The following INPP4B variants were observed in gnomAD, a reference collection of about 807,000 sequenced individuals.
The protein encoded by INPP4B is inositol polyphosphate-4-phosphatase type II B.
In INPP4B, 55 loss-of-function variants were observed where a neutral mutation model predicts 122.5. The ratio of observed to expected loss-of-function variants is 0.45; its 90% CI spans 0.36 to 0.56. The LOEUF is 0.56. Ranked by LOEUF, INPP4B falls within the 20% of genes least tolerant of loss-of-function variation. The pLI is 0.00. For synonymous variants in INPP4B, 403 were observed against 388.7 expected (o/e 1.04, Z -0.43); for missense variants, 1,000 against 1,097.7 (o/e 0.91, Z 1.26).
chr4:142,262,242 G>A (rs1486311709), intron 10 of INPP4B, among the ~76,000 whole-genome samples: 1 of 152,046 alleles, frequency 6.6e-6, no homozygotes, highest in Non-Finnish European at 1.5e-5. Flanking sequence ...GCTTACAGGG[G>A]AGTACACGAT....
chr4:142,072,639 G>A (rs1199769786), intron 25 of INPP4B, among the ~76,000 whole-genome samples: 4 of 149,892 alleles, frequency 2.7e-5, no homozygotes, highest in African/African-American at 9.9e-5. Flanking sequence ...CCATGACAAA[G>A]AACCAATAAT....
intron 1 of INPP4B, among the ~76,000 whole-genome samples, chr4:142,749,284 C>T (rs1769276661): frequency 7.0e-6 from 1 of 143,662 alleles, no homozygotes. Flanking sequence ...AATGTCTTAC[C>T]ATATATATAT....
chr4:142,634,295 G>A (rs1383685839), intron 2 of INPP4B, among the ~76,000 whole-genome samples: 2 of 151,816 alleles, frequency 1.3e-5, no homozygotes, highest in Non-Finnish European at 2.9e-5. Flanking sequence ...TTGTTTCAGA[G>A]CACAGGAAAA....
chr4:142,544,346 C>T (rs529210052), intron 2 of INPP4B, among the ~76,000 whole-genome samples: 1 of 151,870 alleles, frequency 6.6e-6, no homozygotes, highest in African/African-American at 2.4e-5. Context: ...TGAGAGAAAG[C>T]TGTTCTAGAG....
At position 142,123,415 on chromosome 4, in the gene INPP4B, GC is replaced by G; in HGVS notation, c.1894-1del. 6.2e-7 allele frequency: 1 copy of G among 1,601,252 alleles called. No individual in the cohort carries two copies. The highest frequency in any genetic ancestry group is 8.5e-7 in the Non-Finnish European group (1 of 1,176,202). On this transcript the variant is annotated splice_acceptor_variant, in intron 19 of 25. Transcript: ENST00000262992. LOFTEE classifies it high-confidence loss of function. Reference sequence around the variant, plus strand: ...ATAAAACCACAAACCAATCCAGCAAGCTGAAAAAAAAATATTGATGAGATTT... The same window carrying G: ...ATAAAACCACAAACCAATCCAGCAAGTGAAAAAAAAATATTGATGAGATTT...
intron 2 of INPP4B, among the ~76,000 whole-genome samples, chr4:142,526,164 C>T (rs1365908853): frequency 6.6e-6 from 1 of 152,034 alleles, no homozygotes; most frequent in Non-Finnish European, 1.5e-5. Flanking sequence ...ACATGTGTAT[C>T]TAGTGACTTC....
rs148913775 is a variant in INPP4B, at chr4:142,637,948, G to T, written c.-191+87891C>A. Reference sequence around the variant, plus strand: ...TAATTTTGCAGTTCTCTAATGACATGATGTTGACCATCTTTTTATATGCTT... The same window carrying T: ...TAATTTTGCAGTTCTCTAATGACATTATGTTGACCATCTTTTTATATGCTT... On this transcript the variant is annotated intron_variant, in intron 2 of 25. Transcript: ENST00000262992. Among the ~76,000 whole-genome samples, 402 of 152,222 alleles carry T rather than the reference G, an allele frequency of 2.6e-3. 6 individuals are homozygous for T. The highest frequency in any genetic ancestry group is 0.018 in the East Asian group (94 of 5,178).
intron 17 of INPP4B, among the ~76,000 whole-genome samples, chr4:142,153,662 TA>T (rs1815605910): frequency 6.6e-6 from 1 of 152,168 alleles, no homozygotes; most frequent in South Asian, 2.1e-4. Context: ...AAATATCTAT[TA>T]AAATACAGGT....
rs147116514 is a variant in INPP4B at position 142,588,093 on chromosome 4, C to T, written c.-190-125367G>A. 1.2e-4 allele frequency among the ~76,000 whole-genome samples: 18 copies of T among 151,886 alleles called. No individual in the cohort carries two copies. The East Asian group carries it at 3.5e-3, about 29-fold the overall frequency. ...ATGATTTTATCAAATACAGAAAAAG[C>T]ATTTTTATAAAATTCAACATGTATT... On this transcript the variant is annotated intron_variant, in intron 2 of 25. Coordinates refer to ENST00000262992, the MANE Select transcript of INPP4B (RefSeq NM_001101669.3).
chr4:142,097,965 A>C (rs185076799), intron 23 of INPP4B, among the ~76,000 whole-genome samples: 1 of 152,242 alleles, frequency 6.6e-6, no homozygotes, highest in Admixed American at 6.5e-5. Context: ...CCTGTCAAAT[A>C]ATGTAAGTGA....
chr4:142,121,829 G>T (rs1293771215), intron 21 of INPP4B, among the ~76,000 whole-genome samples: 1 of 152,058 alleles, frequency 6.6e-6, no homozygotes, highest in East Asian at 1.9e-4. Flanking sequence ...AGCTTTGGAT[G>T]AGATAGTAAT....
intron 14 of INPP4B, among the ~76,000 whole-genome samples, chr4:142,197,722 T>A (rs1452381944): frequency 6.6e-6 from 1 of 152,178 alleles, no homozygotes; most frequent in African/African-American, 2.4e-5. Context: ...AGCGCATACC[T>A]GAATCGTTAC....
chr4:142,635,172 A>T (rs967519785), intron 2 of INPP4B, among the ~76,000 whole-genome samples: 1 of 152,100 alleles, frequency 6.6e-6, no homozygotes, highest in African/African-American at 2.4e-5. Context: ...ATCTCACACT[A>T]GTCAGAATGG....
At chr4:142,103,495 A>G (rs1180902700) in intron 23 of INPP4B, among the ~76,000 whole-genome samples, 1 of 152,100 alleles carries the variant, frequency 6.6e-6, no homozygotes, top group Non-Finnish European at 1.5e-5. Context: ...ATGCATAACT[A>G]TACAACGAGT....
At chr4:142,443,231 G>T (rs1812203166) in intron 3 of INPP4B, among the ~76,000 whole-genome samples, 1 of 152,098 alleles carries the variant, frequency 6.6e-6, no homozygotes, top group Admixed American at 6.6e-5. Flanking sequence ...AGAGTATTCT[G>T]CACTGACTAA....
At chr4:142,611,573 C>A (rs1580498625) in intron 2 of INPP4B, among the ~76,000 whole-genome samples, 3 of 146,174 alleles carry the variant, frequency 2.1e-5, no homozygotes, top group South Asian at 4.3e-4. Flanking sequence ...TATTTGTGTG[C>A]AAAAAATAAA....
intron 8 of INPP4B, among the ~76,000 whole-genome samples, chr4:142,308,151 T>C (rs527540947): frequency 1.3e-3 from 200 of 152,318 alleles, no homozygotes; most frequent in African/African-American, 4.7e-3. Context: ...GCACTGTGAG[T>C]GCATACAGTG....
At chr4:142,624,836 T>C (rs914311311) in intron 2 of INPP4B, among the ~76,000 whole-genome samples, 8 of 152,054 alleles carry the variant, frequency 5.3e-5, no homozygotes, top group African/African-American at 1.9e-4. Flanking sequence ...TATACGCAAA[T>C]CAATAAATGT....
At chr4:142,662,726 G>T (rs1186721878) in intron 2 of INPP4B, among the ~76,000 whole-genome samples, 3 of 152,164 alleles carry the variant, frequency 2.0e-5, no homozygotes, top group African/African-American at 7.2e-5. Flanking sequence ...CCACTAATCA[G>T]AAATATTCAT....
Sources: allele counts gnomAD v4.1 joint callset (sites outside exome capture counted in the v4.1 genomes callset), GRCh38; gene constraint gnomAD v4.1.1; transcripts MANE v1.5; gene names NCBI Gene and HGNC (gene_info 2026-07-23, HGNC 2026-07-21).